ZBTB46: variants seen among roughly 807,000 people sequenced by gnomAD.
ZBTB46 encodes zinc finger and BTB domain-containing protein 46.
Under a neutral mutation model 44.1 loss-of-function variants are expected in ZBTB46, and 8 were observed. The observed-to-expected ratio is 0.18, with a 90% CI of 0.11 to 0.33. The LOEUF (loss-of-function observed/expected upper bound fraction) is 0.33. Among genes scored for constraint, ZBTB46 ranks in the 10% least tolerant of loss-of-function variants. ZBTB46 has a pLI of 1.00. For synonymous variants in ZBTB46, 409 were observed against 382.3 expected, an observed-to-expected ratio of 1.07 and a Z score of -0.81; for missense variants, 651 against 847.7, an observed-to-expected ratio of 0.77 and a Z score of 2.88.
chr20:63,813,715 G>A (rs17753004), intron 1 of ZBTB46, among the ~76,000 whole-genome samples: 35,222 of 151,936 alleles, frequency 0.23, 4,201 homozygotes, highest in Middle Eastern at 0.33. Context: ...GAGAAGAAAC[G>A]CAACTTCAGG....
intron 2 of ZBTB46, among the ~76,000 whole-genome samples, chr20:63,777,720 C>T (rs139500172): frequency 4.6e-5 from 7 of 152,296 alleles, no homozygotes; most frequent in Non-Finnish European, 8.8e-5. Context: ...TTATCCATAA[C>T]AGCCAAAAGG....
chr20:63,776,505 T>C (rs2092426854), intron 2 of ZBTB46, among the ~76,000 whole-genome samples: 1 of 152,174 alleles, frequency 6.6e-6, no homozygotes, highest in Non-Finnish European at 1.5e-5. Context: ...CTTCAAAGGA[T>C]ACTACCAAGA....
rs144086739 is a variant in ZBTB46 at position 63,823,858 on chromosome 20, T to TTCTGTGTGTGTGTGTGTGTGTGTGTGTG, written c.-34+7238_-34+7239insCACACACACACACACACACACACACAGA. ...TCCTGACCTTTGTCCTCTAGGAACC[T>TTCTGTGTGTGTGTGTGTGTGTGTGTGTG]TGTGTGTGTGTGTGTGTGTGTGTGT... On this transcript the variant is annotated intron_variant, in intron 1 of 4. Transcript: ENST00000245663. 1.7e-3 allele frequency among the ~76,000 whole-genome samples: 245 copies of TTCTGTGTGTGTGTGTGTGTGTGTGTGTG among 144,810 alleles called. 5 individuals carry two copies. Among genetic ancestry groups the TTCTGTGTGTGTGTGTGTGTGTGTGTGTG allele is most frequent in the African/African-American group, 5.2e-3 (199 of 38,466 alleles).
At chr20:63,773,063 T>C (rs6062521) in intron 3 of ZBTB46, among the ~76,000 whole-genome samples, 41,232 of 152,014 alleles carry the variant, frequency 0.27, 5,914 homozygotes, top group Middle Eastern at 0.37. Flanking sequence ...ACAGCTCGTA[T>C]GCCACGGGTG....
In ZBTB46 at chr20:63,831,082, G is replaced by A. The variant is rs1307305535; in HGVS notation, c.-34+15C>T. The A allele has an allele frequency of 2.9e-5, 4 of 140,298 alleles. No individual in the cohort carries two copies. Among genetic ancestry groups the A allele is most frequent in the Non-Finnish European group, 6.3e-5 (4 of 63,606 alleles). 8.7% of individuals were successfully genotyped at this position (140,298 alleles called of 1,614,324 possible). A position where few individuals can be genotyped will look rare whatever the true frequency, so the allele number is the denominator to read the frequency against. ...GCCCGCCCGGCCGCGCGGACAATGA[G>A]CCGGCGCCGCTTACCTGTGACCCCA... On this transcript the variant is annotated intron_variant, in intron 1 of 4. Transcript: ENST00000245663.
intron 1 of ZBTB46, among the ~76,000 whole-genome samples, chr20:63,811,905 T>C (rs1185572542): frequency 6.6e-6 from 1 of 152,140 alleles, no homozygotes; most frequent in Admixed American, 6.5e-5. Flanking sequence ...GGCTCATACA[T>C]CGTTCAGACC....
rs372887998 is a variant in ZBTB46, at chr20:63,797,146, A to C, written c.-33-6356T>G. Among the ~76,000 whole-genome samples, 66 of 144,502 alleles carry C rather than the reference A, an allele frequency of 4.6e-4. 1 individual carries two copies. In the East Asian group the frequency reaches 0.011, roughly 25 times the overall value. The allele number at this position is 144,502 out of a possible 152,430, so 94.8% of individuals were successfully genotyped here. ...TACATTAGGTATATCTCCTAATGCT[A>C]TCTCTCCCCCCTCCCCCCACCCCAC... On this transcript the variant is annotated intron_variant, in intron 1 of 4. Transcript: ENST00000245663.
intron 1 of ZBTB46, among the ~76,000 whole-genome samples, chr20:63,825,581 T>C (rs1367761839): frequency 6.6e-6 from 1 of 152,112 alleles, no homozygotes; most frequent in African/African-American, 2.4e-5. Context: ...AGAACAGCCT[T>C]GCTCCACTTC....
intron 1 of ZBTB46, among the ~76,000 whole-genome samples, chr20:63,795,846 C>G (rs149963473): frequency 3.5e-4 from 53 of 152,352 alleles, no homozygotes; most frequent in African/African-American, 1.3e-3. Context: ...ATAGGAACGG[C>G]CCAGCCTCTA....
At chr20:63,779,909 A>ATTGTG (rs2092455316) in intron 2 of ZBTB46, among the ~76,000 whole-genome samples, 1 of 152,126 alleles carries the variant, frequency 6.6e-6, no homozygotes, top group Admixed American at 6.5e-5. Flanking sequence ...TATTGTAACA[A>ATTGTG]ATCAAGGTGA....
intron 1 of ZBTB46, among the ~76,000 whole-genome samples, chr20:63,796,071 C>A (rs2092601431): frequency 6.6e-6 from 1 of 152,222 alleles, no homozygotes; most frequent in Admixed American, 6.5e-5. Context: ...GGACGCAGAC[C>A]AAGGAAATCT....
chr20:63,816,447 C>T (rs1179612286), intron 1 of ZBTB46: 1 of 156,090 alleles, frequency 6.4e-6, no homozygotes, highest in Middle Eastern at 3.0e-3. Flanking sequence ...AGGCCAGGAA[C>T]CTGACCTGCC....
chr20:63,829,734 T>C (rs559357931), intron 1 of ZBTB46, among the ~76,000 whole-genome samples: 1 of 152,346 alleles, frequency 6.6e-6, no homozygotes, highest in Admixed American at 6.5e-5. Flanking sequence ...AAAAACCCCT[T>C]CTATACATTT....
intron 2 of ZBTB46, among the ~76,000 whole-genome samples, chr20:63,779,712 G>A (rs1302936913): frequency 1.3e-5 from 2 of 151,252 alleles, no homozygotes; most frequent in African/African-American, 4.9e-5. Context: ...GTGAGCCACC[G>A]CGCCCGGCCG....
Position 63,752,807 on chromosome 20 carries a change from G to A in ZBTB46, c.1277C>T (p.Ser426Leu). The part of the protein sequence containing the change: ...KKFKCPYCSF[S>L]AMHQCILKRH... The stretch of plus-strand genomic sequence containing the variant: ...CTTGAGGATGCACTGGTGCATGGCC[G>A]AGAAGCTGCAGTACGGACACTTGAA... The change falls in exon 4 of 5, where the codon TCG (serine) becomes TTG (leucine). Residue 426 changes from serine to leucine, a missense_variant. Transcript: ENST00000245663. The surrounding 1 kb of genome is among the most constrained non-coding windows in gnomAD (Gnocchi z 5.6). 1.9e-6 allele frequency: 3 copies of A among 1,612,900 alleles called. No homozygotes were observed. Among genetic ancestry groups the A allele is most frequent in the Non-Finnish European group, 2.5e-6 (3 of 1,179,370 alleles).
chr20:63,802,624 C>T (rs1014581328), intron 1 of ZBTB46, among the ~76,000 whole-genome samples: 12 of 150,890 alleles, frequency 8.0e-5, no homozygotes, highest in Non-Finnish European at 1.8e-4. Context: ...CCCCAGCACC[C>T]TCCCAGGAAC....
chr20:63,787,402 T>C lies in ZBTB46; in HGVS notation c.937+2419A>G, dbSNP rs1440703126. ...CACAGTTCTGTCCTCAGCCTTCATGTTCCCTCAGCACTCGCTCACCCAGGG... is the reference window on the plus strand; with the variant it reads ...CACAGTTCTGTCCTCAGCCTTCATGCTCCCTCAGCACTCGCTCACCCAGGG... On this transcript the variant is annotated intron_variant, in intron 2 of 4. Coordinates refer to ENST00000245663, the MANE Select transcript of ZBTB46 (RefSeq NM_001369741.1). This position sits in a 1 kb window ranked among gnomAD's most constrained non-coding sequence, Gnocchi z 4.6. Among the ~76,000 whole-genome samples, 2 of 152,240 alleles carry C rather than the reference T, an allele frequency of 1.3e-5. No homozygotes were observed. Among genetic ancestry groups the C allele is most frequent in the Non-Finnish European group, 2.9e-5 (2 of 68,042 alleles).
At chr20:63,784,263 G>A (rs1440266198) in intron 2 of ZBTB46, among the ~76,000 whole-genome samples, 4 of 152,216 alleles carry the variant, frequency 2.6e-5, no homozygotes, top group African/African-American at 9.6e-5. Flanking sequence ...GGTCCAAGAA[G>A]CAGCTCGAAG....
At chr20:63,750,877 G>C (rs1470001655) in intron 4 of ZBTB46, among the ~76,000 whole-genome samples, 1 of 151,936 alleles carries the variant, frequency 6.6e-6, no homozygotes, top group Admixed American at 6.6e-5. Flanking sequence ...ACTCCAGCCT[G>C]GGTAACACAG....
Sources: allele counts gnomAD v4.1 joint callset (sites outside exome capture counted in the v4.1 genomes callset), GRCh38; gene constraint gnomAD v4.1.1; non-coding constraint Gnocchi (gnomAD v3.1); transcripts MANE v1.5; gene names NCBI Gene and HGNC (gene_info 2026-07-23, HGNC 2026-07-21).